Variants in RBPJ observed in about 807,000 individuals in gnomAD.
RBPJ encodes the protein recombination signal binding protein for immunoglobulin kappa J region.
A neutral mutation model predicts 67.8 loss-of-function variants in RBPJ; 9 were observed. The ratio of observed to expected loss-of-function variants is 0.13; its 90% CI spans 0.08 to 0.23. The LOEUF (loss-of-function observed/expected upper bound fraction) is 0.23, where lower values mean the gene tolerates loss of function less well. Among genes scored for constraint, RBPJ ranks in the 10% least tolerant of loss-of-function variants. The probability of loss-of-function intolerance (pLI) is 1.00; values close to 1 mark genes in which losing one functional copy is unlikely to be tolerated. For synonymous variants in RBPJ, 198 were observed against 203.3 expected, an observed-to-expected ratio of 0.97 and a Z score of 0.22; for missense variants, 305 against 595.6, an observed-to-expected ratio of 0.51 and a Z score of 5.08.
chr4:26,422,132 A>G (rs1477542852), intron 5 of RBPJ, among the ~76,000 whole-genome samples: 1 of 152,046 alleles, frequency 6.6e-6, no homozygotes, highest in African/African-American at 2.4e-5. Context: ...TGGTGGTTAG[A>G]CATAAAGACT....
At chr4:26,170,168 G>A (rs979419161) in intron 1 of RBPJ, among the ~76,000 whole-genome samples, 3 of 152,090 alleles carry the variant, frequency 2.0e-5, no homozygotes, top group Non-Finnish European at 2.9e-5. Context: ...CTTCTGCGTC[G>A]CTCACACTGG....
intron 1 of RBPJ, among the ~76,000 whole-genome samples, chr4:26,166,844 T>A (rs1307835704): frequency 6.6e-6 from 1 of 152,168 alleles, no homozygotes; most frequent in African/African-American, 2.4e-5. Context: ...GTTTTTATGG[T>A]TTTAGGTCTA....
At chr4:26,314,463 G>C (rs1268389586) in intron 1 of RBPJ, among the ~76,000 whole-genome samples, 1 of 152,152 alleles carries the variant, frequency 6.6e-6, no homozygotes, top group Non-Finnish European at 1.5e-5. Context: ...AGGTCAAATT[G>C]TAACTCCCAG....
At chr4:26,147,467 G>A in the RBPJ span, among the ~76,000 whole-genome samples, 1 of 152,202 alleles carries the variant, frequency 6.6e-6, no homozygotes, top group Non-Finnish European at 1.5e-5. Context: ...CACCATTGCC[G>A]AATCAACTTC....
chr4:26,210,266 G>T (rs968963485), intron 1 of RBPJ, among the ~76,000 whole-genome samples: 1 of 152,108 alleles, frequency 6.6e-6, no homozygotes, highest in African/African-American at 2.4e-5. Context: ...TGTAACTGCC[G>T]GTTCTTTCCC....
intron 1 of RBPJ, among the ~76,000 whole-genome samples, chr4:26,255,801 CAA>C (rs34958199): frequency 1.1e-4 from 8 of 75,266 alleles, no homozygotes; most frequent in Admixed American, 1.6e-4. Flanking sequence ...GACTCCGTCT[CAA>C]AAAAAAAAAA....
chr4:26,423,508 G>A (rs763504881), intron 5 of RBPJ, among the ~76,000 whole-genome samples: 1 of 152,192 alleles, frequency 6.6e-6, no homozygotes, highest in Non-Finnish European at 1.5e-5. Context: ...TCAGATTTAA[G>A]TTTGTTGTCC....
chr4:26,107,280 G>A, the RBPJ span, among the ~76,000 whole-genome samples: 1 of 152,178 alleles, frequency 6.6e-6, no homozygotes, highest in Non-Finnish European at 1.5e-5. Flanking sequence ...ACAAATTCAG[G>A]ACTCCTCCTA....
chr4:26,149,390 G>C, the RBPJ span, among the ~76,000 whole-genome samples: 7 of 152,160 alleles, frequency 4.6e-5, no homozygotes, highest in Non-Finnish European at 7.3e-5. Flanking sequence ...CTTGGCAAAG[G>C]TTACTATCAT....
chr4:26,316,672 A>G (rs1474758185), upstream of RBPJ, among the ~76,000 whole-genome samples: 1 of 131,124 alleles, frequency 7.6e-6, no homozygotes, highest in African/African-American at 3.4e-5. Flanking sequence ...ATATATATAC[A>G]CATATATATA....
At chr4:26,308,573 C>A (rs1389828827) in intron 1 of RBPJ, among the ~76,000 whole-genome samples, 7 of 152,176 alleles carry the variant, frequency 4.6e-5, no homozygotes, top group Non-Finnish European at 7.4e-5. Flanking sequence ...TACAACTTTG[C>A]TTTTGATGTT....
intron 1 of RBPJ, among the ~76,000 whole-genome samples, chr4:26,366,181 C>CT (rs1728603670): frequency 6.6e-6 from 1 of 152,198 alleles, no homozygotes; most frequent in Non-Finnish European, 1.5e-5. Context: ...AACTGGAAAA[C>CT]TATGAAACTC....
chr4:26,327,761 C>A (rs1723790101), intron 1 of RBPJ, among the ~76,000 whole-genome samples: 2 of 151,976 alleles, frequency 1.3e-5, no homozygotes, highest in African/African-American at 4.8e-5. Context: ...AGGAGGATGG[C>A]CTGAGCCCAG....
At chr4:26,182,493 CTT>C (rs756542568) in intron 1 of RBPJ, among the ~76,000 whole-genome samples, 25 of 142,234 alleles carry the variant, frequency 1.8e-4, no homozygotes, top group Non-Finnish European at 1.5e-4. Context: ...ACTTTTTAAA[CTT>C]TTTTTTTTTT....
chr4:26,112,755 C>CTTTTTTTTTTTT, the RBPJ span: 1 of 88,706 alleles, frequency 1.1e-5, no homozygotes. Flanking sequence ...AAGGGAGAAT[C>CTTTTTTTTTTTT]TTTTTTTTTT....
intron 1 of RBPJ, among the ~76,000 whole-genome samples, chr4:26,293,991 C>T (rs1721764149): frequency 6.6e-6 from 1 of 152,134 alleles, no homozygotes; most frequent in South Asian, 2.1e-4. Flanking sequence ...CTCCTGACCT[C>T]AGGTAATCTG....
chr4:26,379,161 C>A (rs1006856314), intron 1 of RBPJ, among the ~76,000 whole-genome samples: 1 of 152,062 alleles, frequency 6.6e-6, no homozygotes, highest in Non-Finnish European at 1.5e-5. Context: ...GAAATCTACC[C>A]CATAGGATGT....
chr4:26,116,568 C>T, the RBPJ span, among the ~76,000 whole-genome samples: 2 of 152,168 alleles, frequency 1.3e-5, no homozygotes. Context: ...TCTCAGCTCC[C>T]CGGGACATGC....
Position 26,424,235 on chromosome 4 carries a change from AATG to A in RBPJ, c.497-104_497-102del. 1 of 1,065,074 alleles carries A rather than the reference AATG, an allele frequency of 9.4e-7. No individual in the cohort carries two copies. Among genetic ancestry groups the A allele is most frequent in the Non-Finnish European group, 1.4e-6 (1 of 724,886 alleles). 66.0% of individuals were successfully genotyped at this position (1,065,074 alleles called of 1,614,324 possible). On this transcript the variant is annotated intron_variant, in intron 5 of 10. Coordinates refer to ENST00000355476, the MANE Select transcript of RBPJ (RefSeq NM_015874.6). This position sits in a 1 kb window ranked among gnomAD's most constrained non-coding sequence, Gnocchi z 5.3. ...AGTGAAAATATTTGTCAAACTGTTAAATGATAAGAAAGAATAATTATACACTGC... is the reference window on the plus strand; with the variant it reads ...AGTGAAAATATTTGTCAAACTGTTAAATAAGAAAGAATAATTATACACTGC...
Sources: allele counts gnomAD v4.1 joint callset (sites outside exome capture counted in the v4.1 genomes callset), GRCh38; gene constraint gnomAD v4.1.1; non-coding constraint Gnocchi (gnomAD v3.1); transcripts MANE v1.5; gene names NCBI Gene and HGNC (gene_info 2026-07-23, HGNC 2026-07-21).